SNRK: variants seen among roughly 807,000 people sequenced by gnomAD.
SNRK encodes SNF related kinase, also known as SNF-related serine/threonine-protein kinase.
Under a neutral mutation model 48.2 loss-of-function variants are expected in SNRK, and 3 were observed. The observed-to-expected ratio is 0.06, with a 90% CI of 0.03 to 0.16. The LOEUF is 0.16. Ranked by LOEUF, SNRK falls within the 10% of genes least tolerant of loss-of-function variation. SNRK has a pLI of 1.00. For missense variants in SNRK, 627 were observed against 976.0 expected (o/e 0.64, Z 4.76); for synonymous variants, 376 against 366.1 (o/e 1.03, Z -0.31).
At chr3:43,345,924 G>C (rs1313413012) in intron 6 of SNRK, among the ~76,000 whole-genome samples, 1 of 152,212 alleles carries the variant, frequency 6.6e-6, no homozygotes, top group Non-Finnish European at 1.5e-5. Flanking sequence ...TCTGAGAGAA[G>C]GGCCTAGGCA....
intron 5 of SNRK, among the ~76,000 whole-genome samples, chr3:43,341,571 T>C (rs2091238263): frequency 6.6e-6 from 1 of 152,236 alleles, no homozygotes; most frequent in Non-Finnish European, 1.5e-5. Flanking sequence ...ACAAGGAATA[T>C]TTCCACAAAT....
intron 3 of SNRK, among the ~76,000 whole-genome samples, chr3:43,318,194 C>T (rs1003375102): frequency 1.3e-5 from 2 of 152,096 alleles, no homozygotes; most frequent in East Asian, 1.9e-4. Context: ...TGTTGGCTGC[C>T]GTGGGAAAAT....
chr3:43,328,395 A>G lies in SNRK; in HGVS notation c.590-3774A>G, dbSNP rs755575358. ...TTTTCTTAAGAGATGGGGTCTGGCT[A>G]TGTTTCCCAGGCTAGAGCACAATGG... is the stretch of plus-strand genomic sequence containing the variant. On this transcript the variant is annotated intron_variant, in intron 3 of 6. Coordinates refer to ENST00000296088, the MANE Select transcript of SNRK (RefSeq NM_017719.5). Among the ~76,000 whole-genome samples, 85 of 151,374 alleles carry G rather than the reference A, an allele frequency of 5.6e-4. 1 individual carries two copies. In the Middle Eastern group the frequency reaches 0.01, roughly 18 times the overall value.
At position 43,348,710 on chromosome 3, in the gene SNRK, C is replaced by A; in HGVS notation, c.*153C>A. 1.3e-6 allele frequency: 1 copy of A among 784,690 alleles called. No homozygotes were observed. The highest frequency in any genetic ancestry group is 1.8e-6 in the Non-Finnish European group (1 of 547,834). The allele number at this position is 784,690 out of a possible 1,614,324, so 48.6% of individuals were successfully genotyped here. ...TTGTTCGCCTGATGATGTGACAATG[C>A]ATGGTCTTTGTGCATGCTGCTAGAC... is the stretch of plus-strand genomic sequence containing the variant. On this transcript the variant is annotated 3_prime_UTR_variant, in exon 7 of 7. Transcript: ENST00000296088.
At chr3:43,327,669 C>T (rs747581309) in intron 3 of SNRK, among the ~76,000 whole-genome samples, 1 of 151,782 alleles carries the variant, frequency 6.6e-6, no homozygotes, top group Admixed American at 6.5e-5. Context: ...GTCCCCTCCC[C>T]ACCCTGTTGG....
At chr3:43,309,592 G>T (rs2090963694) in intron 3 of SNRK, among the ~76,000 whole-genome samples, 1 of 149,586 alleles carries the variant, frequency 6.7e-6, no homozygotes, top group South Asian at 2.1e-4. Flanking sequence ...CTCATTGAAG[G>T]CTCATTTTTT....
intron 3 of SNRK, chr3:43,314,821 G>C (rs2091002836): frequency 6.6e-6 from 1 of 152,146 alleles, no homozygotes; most frequent in African/African-American, 2.4e-5. Context: ...GAGGTGGGAA[G>C]ATTGCTTGAG....
chr3:43,332,019 C>T, intron 3 of SNRK, 150 bp from the exon 4 acceptor site: 1 of 500,512 alleles, frequency 2.0e-6, no homozygotes, highest in East Asian at 3.4e-5. Flanking sequence ...CTTCCCTGCC[C>T]TATTGGGGCT....
intron 3 of SNRK, among the ~76,000 whole-genome samples, chr3:43,308,044 C>G (rs1057466329): frequency 2.0e-5 from 3 of 152,190 alleles, no homozygotes; most frequent in Non-Finnish European, 4.4e-5. Flanking sequence ...GGTAAAAGAT[C>G]TAACTAGCCA....
At chr3:43,344,590 A>T (rs2125648450) in intron 6 of SNRK, among the ~76,000 whole-genome samples, 1 of 152,324 alleles carries the variant, frequency 6.6e-6, no homozygotes, top group East Asian at 1.9e-4. Flanking sequence ...CTTGCCAAAC[A>T]GTAAAGATTT....
At chr3:43,326,293 T>A (rs1369668891) in intron 3 of SNRK, among the ~76,000 whole-genome samples, 1 of 152,074 alleles carries the variant, frequency 6.6e-6, no homozygotes, top group African/African-American at 2.4e-5. Flanking sequence ...TGTGTGTGTG[T>A]AGGATTGGGA....
intron 3 of SNRK, among the ~76,000 whole-genome samples, chr3:43,316,094 C>T (rs930487791): frequency 6.6e-6 from 1 of 152,028 alleles, no homozygotes; most frequent in Non-Finnish European, 1.5e-5. Context: ...TCTATAGGTA[C>T]CATATAGGTG....
At chr3:43,331,222 T>C (rs541742334) in intron 3 of SNRK, among the ~76,000 whole-genome samples, 2 of 152,350 alleles carry the variant, frequency 1.3e-5, no homozygotes, top group East Asian at 1.9e-4. Flanking sequence ...ATGCCTGTTC[T>C]TTAGTTTCTG....
chr3:43,328,636 C>G (rs961995815), intron 3 of SNRK, among the ~76,000 whole-genome samples: 2 of 152,140 alleles, frequency 1.3e-5, no homozygotes, highest in Admixed American at 6.5e-5. Flanking sequence ...TCCTATAATA[C>G]CAGATGTCTA....
chr3:43,302,218 C>G (rs1301599305), intron 2 of SNRK, among the ~76,000 whole-genome samples: 3 of 152,138 alleles, frequency 2.0e-5, no homozygotes, highest in Admixed American at 6.6e-5. Context: ...CTAGAACCCC[C>G]TCAAAACATT....
chr3:43,332,452 TCTG>T (rs2091153354), intron 4 of SNRK, 142 bp downstream of exon 4: 1 of 493,590 alleles, frequency 2.0e-6, no homozygotes, highest in African/African-American at 2.0e-5. Context: ...ATTTAATATT[TCTG>T]CTGTTGTTTC....
chr3:43,332,385 A>G (rs1419028306), intron 4 of SNRK, 75 bp downstream of exon 4: 4 of 1,137,742 alleles, frequency 3.5e-6, no homozygotes, highest in African/African-American at 1.6e-5. Context: ...TTAATATGTC[A>G]AGAAAATTTG....
chr3:43,345,104 TA>T (rs112475043), intron 6 of SNRK, among the ~76,000 whole-genome samples: 65 of 152,132 alleles, frequency 4.3e-4, no homozygotes, highest in Middle Eastern at 3.4e-3. Context: ...AAATTAAAAA[TA>T]AAAAAAATTT....
In SNRK at chr3:43,303,543, G is replaced by C. The variant is rs989826664; in HGVS notation, c.340G>C (p.Asp114His). ...IMKHEEGLNEDLAKKYFAQIV... is the reference protein window; with the variant it reads ...IMKHEEGLNEHLAKKYFAQIV... ...GAAACATGAGGAGGGTCTTAATGAAGACTTGGCCAAGAAGTATTTTGCTCA... is the reference window on the plus strand; with the variant it reads ...GAAACATGAGGAGGGTCTTAATGAACACTTGGCCAAGAAGTATTTTGCTCA... The change falls in exon 3 of 7, where the codon GAC becomes CAC. Residue 114 changes from aspartate (D) to histidine (H), a missense_variant. By Grantham distance (81) the Asp-to-His change is moderately conservative (BLOSUM62 -1). This residue lies in a region of SNRK where 147 missense variants were observed against 356.8 expected (regional missense o/e 0.41). Coordinates refer to ENST00000296088, the MANE Select transcript of SNRK (RefSeq NM_017719.5). This position sits in a 1 kb window ranked among gnomAD's most constrained non-coding sequence, Gnocchi z 6.2. The C allele has an allele frequency of 1.9e-6, 3 of 1,613,972 alleles. No homozygotes were observed. The African/African-American group carries it at 4.0e-5, about 22-fold the overall frequency.
Sources: gnomAD v4.1 joint callset for allele counts (sites outside exome capture counted in the v4.1 genomes callset) on GRCh38, gnomAD v4.1.1 for gene constraint, gnomAD v4.1.1 regional missense constraint, Gnocchi (gnomAD v3.1) non-coding constraint, MANE v1.5 for transcripts, NCBI Gene and HGNC (gene_info 2026-07-23, HGNC 2026-07-21) for gene names.